The following FAM168A variants were observed in gnomAD, a reference collection of about 807,000 sequenced individuals.
FAM168A encodes family with sequence similarity 168 member A.
A neutral mutation model predicts 28.5 loss-of-function variants in FAM168A; 3 were observed. That is an observed-to-expected ratio of 0.11 (90% CI 0.05 to 0.27). The LOEUF (loss-of-function observed/expected upper bound fraction) is 0.27, where lower values mean the gene tolerates loss of function less well. Among genes scored for constraint, FAM168A ranks in the 10% least tolerant of loss-of-function variants. FAM168A has a pLI of 1.00. For synonymous variants in FAM168A, 122 were observed against 124.2 expected (o/e 0.98, Z 0.12); for missense variants, 222 against 311.5 (o/e 0.71, Z 2.16).
intron 1 of FAM168A, among the ~76,000 whole-genome samples, chr11:73,563,242 C>G (rs1036378514): frequency 6.6e-6 from 1 of 152,222 alleles, no homozygotes; most frequent in Non-Finnish European, 1.5e-5. Flanking sequence ...GGCTCCATCA[C>G]ATTTATTTTC....
At chr11:73,541,486 C>T (rs1411170695) in intron 1 of FAM168A, among the ~76,000 whole-genome samples, 1 of 151,744 alleles carries the variant, frequency 6.6e-6, no homozygotes, top group East Asian at 2.0e-4. Flanking sequence ...CATTCTCCTG[C>T]CTCAGCCTCC....
chr11:73,498,296 C>T (rs1790583486), intron 1 of FAM168A, among the ~76,000 whole-genome samples: 4 of 152,188 alleles, frequency 2.6e-5, no homozygotes, highest in Admixed American at 2.6e-4. Context: ...GCAGCCCACT[C>T]AAGAGCTGCA....
chr11:73,580,402 G>C, intron 1 of FAM168A: 1 of 619,392 alleles, frequency 1.6e-6, no homozygotes, highest in Non-Finnish European at 3.1e-6. Context: ...AGGGAGAGAA[G>C]GTACCCAAAG....
At chr11:73,505,025 G>A (rs1385434799) in intron 1 of FAM168A, among the ~76,000 whole-genome samples, 1 of 151,952 alleles carries the variant, frequency 6.6e-6, no homozygotes, top group Non-Finnish European at 1.5e-5. Flanking sequence ...GTGAGGGAAG[G>A]GAACTAAGAG....
At chr11:73,421,788 C>T (rs1866797502) in intron 3 of FAM168A, among the ~76,000 whole-genome samples, 2 of 152,206 alleles carry the variant, frequency 1.3e-5, no homozygotes, top group South Asian at 4.1e-4. Flanking sequence ...AAAGCAAACC[C>T]ATGCCCTCAA....
At chr11:73,553,553 C>T (rs994674477) in intron 1 of FAM168A, among the ~76,000 whole-genome samples, 2 of 152,130 alleles carry the variant, frequency 1.3e-5, no homozygotes, top group African/African-American at 4.8e-5. Flanking sequence ...GGAGTTAGAG[C>T]CACTCGTCTA....
intron 1 of FAM168A, among the ~76,000 whole-genome samples, chr11:73,558,679 G>A (rs1159325272): frequency 2.0e-5 from 3 of 151,422 alleles, no homozygotes; most frequent in Admixed American, 1.3e-4. Context: ...CCAACAAGTA[G>A]ATGAAAAGAT....
chr11:73,592,399 T>A (rs931400634), intron 1 of FAM168A, among the ~76,000 whole-genome samples: 1 of 152,206 alleles, frequency 6.6e-6, no homozygotes, highest in Non-Finnish European at 1.5e-5. Flanking sequence ...ACTAAAGATA[T>A]GCATAACTGT....
At chr11:73,561,862 C>A (rs761196587) in intron 1 of FAM168A, among the ~76,000 whole-genome samples, 16 of 152,092 alleles carry the variant, frequency 1.1e-4, no homozygotes, top group Non-Finnish European at 2.1e-4. Flanking sequence ...AATTTTAATA[C>A]CCTTTTATCC....
At chr11:73,515,933 T>C (rs1395355559) in intron 1 of FAM168A, among the ~76,000 whole-genome samples, 1 of 151,966 alleles carries the variant, frequency 6.6e-6, no homozygotes, top group Non-Finnish European at 1.5e-5. Context: ...AAACCCCGTC[T>C]CTACGAAAAA....
Position 73,476,830 on chromosome 11 carries a change from C to T in FAM168A, c.-18-8338G>A, listed in dbSNP as rs568038511. 5.3e-5 allele frequency among the ~76,000 whole-genome samples: 8 copies of T among 152,034 alleles called. No individual in the cohort carries two copies. The East Asian group carries it at 1.4e-3, about 26-fold the overall frequency. On this transcript the variant is annotated intron_variant, in intron 1 of 7. Coordinates refer to ENST00000356467, the MANE Select transcript of FAM168A (RefSeq NM_015159.3). ...CATTCAAGAGAGGCTCAGAAGCAAACGTGAGCTGGCAGAAGAAAGAATCAC... is the reference window on the plus strand; with the variant it reads ...CATTCAAGAGAGGCTCAGAAGCAAATGTGAGCTGGCAGAAGAAAGAATCAC...
chr11:73,415,453 G>A (rs1866680308), intron 4 of FAM168A, among the ~76,000 whole-genome samples: 1 of 152,188 alleles, frequency 6.6e-6, no homozygotes. Context: ...GAAACTGCCT[G>A]GGGGCCCTCA....
chr11:73,497,318 A>G (rs546375314), intron 1 of FAM168A, among the ~76,000 whole-genome samples: 10 of 152,170 alleles, frequency 6.6e-5, no homozygotes, highest in South Asian at 4.1e-4. Context: ...TACAAAAATT[A>G]GCCAGGTGTG....
chr11:73,569,840 A>G (rs895929581), intron 1 of FAM168A, among the ~76,000 whole-genome samples: 2 of 148,728 alleles, frequency 1.3e-5, no homozygotes, highest in African/African-American at 5.2e-5. Context: ...AAATAAATAA[A>G]TAAATAAATA....
At chr11:73,461,315 G>A (rs1465855072) in intron 2 of FAM168A, among the ~76,000 whole-genome samples, 3 of 151,692 alleles carry the variant, frequency 2.0e-5, no homozygotes, top group Non-Finnish European at 2.9e-5. Flanking sequence ...ATGAGGTCTC[G>A]CCATGTTGCT....
chr11:73,496,431 A>C (rs1353068316), intron 1 of FAM168A, among the ~76,000 whole-genome samples: 2 of 152,258 alleles, frequency 1.3e-5, no homozygotes, highest in Non-Finnish European at 2.9e-5. Context: ...CTTTAGTTTC[A>C]GTTTTGCAAG....
intron 1 of FAM168A, among the ~76,000 whole-genome samples, chr11:73,482,459 TC>T (rs1450056647): frequency 6.6e-6 from 1 of 152,024 alleles, no homozygotes; most frequent in African/African-American, 2.4e-5. Flanking sequence ...CTTTTGCTGG[TC>T]ATAAGTCTTC....
chr11:73,467,687 C>T lies in FAM168A; in HGVS notation c.70+718G>A, dbSNP rs191932519. On this transcript the variant is annotated intron_variant, in intron 2 of 7. Coordinates refer to ENST00000356467, the MANE Select transcript of FAM168A (RefSeq NM_015159.3). ...AGCCCCACAGGGTTCCCTTGGGCTC[C>T]GTCTGCCAAAGCAGTTCAGTTCCCT... Among the ~76,000 whole-genome samples the T allele has an allele frequency of 4.3e-4, 65 of 152,290 alleles. 1 individual carries two copies. Among genetic ancestry groups the T allele is most frequent in the African/African-American group, 1.5e-3 (64 of 41,566 alleles).
intron 4 of FAM168A, among the ~76,000 whole-genome samples, chr11:73,412,045 C>T (rs769613590): frequency 6.6e-6 from 1 of 152,092 alleles, no homozygotes; most frequent in Non-Finnish European, 1.5e-5. Context: ...TCTTGGACTT[C>T]CCTCCATCAT....
Sources: gnomAD v4.1 joint callset for allele counts (sites outside exome capture counted in the v4.1 genomes callset) on GRCh38, gnomAD v4.1.1 for gene constraint, MANE v1.5 for transcripts, NCBI Gene and HGNC (gene_info 2026-07-23, HGNC 2026-07-21) for gene names.